Variants in AGBL4 observed in about 807,000 individuals in gnomAD.
The protein encoded by AGBL4 is AGBL carboxypeptidase 4, also known as cytosolic carboxypeptidase 6.
In AGBL4, 58 loss-of-function variants were observed where a neutral mutation model predicts 66.4. The observed-to-expected ratio is 0.87, with a 90% CI of 0.71 to 1.09. AGBL4 has a LOEUF of 1.09. AGBL4 is among the 50% of genes least tolerant of loss of function. The pLI is 0.00. For missense variants in AGBL4, 579 were observed against 631.0 expected (o/e 0.92, Z 0.88); for synonymous variants, 234 against 222.9 (o/e 1.05, Z -0.44).
rs1370165803 is a variant in AGBL4, at chr1:49,530,281, A to AAAAAAAAAAAAAAAAAAAAAAT, written c.282+167031_282+167032insATTTTTTTTTTTTTTTTTTTTT. The stretch of plus-strand genomic sequence containing the variant: ...TTGTAAAAAAAAAAAAACAAAAAAA[A>AAAAAAAAAAAAAAAAAAAAAAT]ACTCTATGAGTTTTTTTTTATTATT... On this transcript the variant is annotated intron_variant, in intron 3 of 13. Transcript: ENST00000371839. 3.4e-5 allele frequency among the ~76,000 whole-genome samples: 5 copies of AAAAAAAAAAAAAAAAAAAAAAT among 148,102 alleles called. 1 individual carries two copies. Among genetic ancestry groups the AAAAAAAAAAAAAAAAAAAAAAT allele is most frequent in the Non-Finnish European group, 7.5e-5 (5 of 66,848 alleles).
At chr1:48,837,688 G>GCA (rs1170991829) in intron 6 of AGBL4, among the ~76,000 whole-genome samples, 20 of 80,688 alleles carry the variant, frequency 2.5e-4, no homozygotes, top group African/African-American at 8.3e-4. Context: ...ACACACACAC[G>GCA]CACACACACG....
At chr1:49,257,185 A>G (rs1652587971) in intron 3 of AGBL4, among the ~76,000 whole-genome samples, 1 of 152,212 alleles carries the variant, frequency 6.6e-6, no homozygotes, top group South Asian at 2.1e-4. Flanking sequence ...AAATAGAACC[A>G]CTGCTCTCTT....
intron 3 of AGBL4, among the ~76,000 whole-genome samples, chr1:49,603,927 T>TAC (rs1645014097): frequency 9.3e-6 from 1 of 107,642 alleles, no homozygotes; most frequent in Non-Finnish European, 1.8e-5. Context: ...TATTCCATGG[T>TAC]ATACACACAC....
At chr1:49,635,170 C>T (rs1291064107) in intron 3 of AGBL4, among the ~76,000 whole-genome samples, 2 of 152,148 alleles carry the variant, frequency 1.3e-5, no homozygotes, top group Admixed American at 6.6e-5. Context: ...ATTTTCCCTA[C>T]GTGGCATTTG....
intron 5 of AGBL4, among the ~76,000 whole-genome samples, chr1:49,013,259 C>A (rs989372997): frequency 2.0e-5 from 3 of 152,130 alleles, no homozygotes; most frequent in African/African-American, 7.2e-5. Flanking sequence ...CTGTGGTATC[C>A]TGGGGGTGTC....
chr1:49,021,297 A>G (rs1663227143), intron 5 of AGBL4, among the ~76,000 whole-genome samples: 1 of 152,192 alleles, frequency 6.6e-6, no homozygotes, highest in Admixed American at 6.5e-5. Context: ...TAAAGAGGAA[A>G]TGATCACATG....
At chr1:49,700,301 AG>A (rs1647064489) in intron 2 of AGBL4, among the ~76,000 whole-genome samples, 2 of 17,230 alleles carry the variant, frequency 1.2e-4, no homozygotes, top group African/African-American at 7.2e-4. Context: ...AACATTAAAT[AG>A]ATAGATAGAT....
At chr1:49,985,796 C>T (rs1659455286) in intron 1 of AGBL4, among the ~76,000 whole-genome samples, 1 of 151,974 alleles carries the variant, frequency 6.6e-6, no homozygotes, top group South Asian at 2.1e-4. Flanking sequence ...GCAATTATAC[C>T]ATATTTTACA....
At chr1:49,247,499 C>T (rs960574749) in intron 3 of AGBL4, among the ~76,000 whole-genome samples, 2 of 152,070 alleles carry the variant, frequency 1.3e-5, no homozygotes, top group Non-Finnish European at 2.9e-5. Flanking sequence ...AATTACTTCT[C>T]TCAGGGTCTT....
chr1:49,801,601 TA>T (rs200379761), intron 2 of AGBL4, among the ~76,000 whole-genome samples: 1 of 151,430 alleles, frequency 6.6e-6, no homozygotes, highest in Non-Finnish European at 1.5e-5. Flanking sequence ...ATCTCAAATA[TA>T]AAAAAAAAGT....
At chr1:49,832,954 T>G (rs1478712005) in intron 2 of AGBL4, among the ~76,000 whole-genome samples, 1 of 152,094 alleles carries the variant, frequency 6.6e-6, no homozygotes, top group Non-Finnish European at 1.5e-5. Context: ...GCCTGTTCAC[T>G]CTGATGGTAG....
intron 3 of AGBL4, among the ~76,000 whole-genome samples, chr1:49,533,425 T>C (rs1041811558): frequency 2.0e-5 from 3 of 152,068 alleles, no homozygotes; most frequent in Non-Finnish European, 4.4e-5. Context: ...TTTCCAGGGG[T>C]CCTCAATCTG....
intron 12 of AGBL4, among the ~76,000 whole-genome samples, chr1:48,537,117 G>A (rs1221489667): frequency 6.6e-6 from 1 of 152,124 alleles, no homozygotes; most frequent in Non-Finnish European, 1.5e-5. Flanking sequence ...ATGCTTGGGT[G>A]GAAAATAATA....
intron 3 of AGBL4, among the ~76,000 whole-genome samples, chr1:49,663,650 T>C (rs1646310521): frequency 6.6e-6 from 1 of 152,066 alleles, no homozygotes; most frequent in Non-Finnish European, 1.5e-5. Context: ...TTAACACATG[T>C]GGCCTCTGCA....
intron 3 of AGBL4, among the ~76,000 whole-genome samples, chr1:49,435,277 A>AATGC (rs1222425297): frequency 1.3e-5 from 2 of 152,172 alleles, no homozygotes; most frequent in African/African-American, 2.4e-5. Context: ...TTATTGAATA[A>AATGC]ATGCATGCAT....
chr1:48,837,703 C>CTATAT (rs1382300748), intron 6 of AGBL4, among the ~76,000 whole-genome samples: 287 of 97,806 alleles, frequency 2.9e-3, no homozygotes, highest in Non-Finnish European at 4.8e-3. Flanking sequence ...CACACGCACA[C>CTATAT]ACACACACTA....
At chr1:49,081,638 G>C (rs1193193591) in intron 4 of AGBL4, among the ~76,000 whole-genome samples, 3 of 152,142 alleles carry the variant, frequency 2.0e-5, no homozygotes, top group Non-Finnish European at 2.9e-5. Context: ...GAAGTCCTCT[G>C]CTTCTTCCCC....
chr1:49,717,912 ATGCGAATATATCAG>A (rs1352013254), intron 2 of AGBL4, among the ~76,000 whole-genome samples: 1 of 152,080 alleles, frequency 6.6e-6, no homozygotes, highest in East Asian at 1.9e-4. Context: ...CAGAATACAA[ATGCGAATATATCAG>A]TCCTTGCTAT....
intron 3 of AGBL4, among the ~76,000 whole-genome samples, chr1:49,283,852 A>G (rs1473782603): frequency 2.0e-5 from 3 of 147,290 alleles, no homozygotes; most frequent in African/African-American, 5.1e-5. Flanking sequence ...AAAGCCTCCA[A>G]GAAATATGGG....
Sources: allele counts gnomAD v4.1 joint callset (sites outside exome capture counted in the v4.1 genomes callset), GRCh38; gene constraint gnomAD v4.1.1; transcripts MANE v1.5; gene names NCBI Gene and HGNC (gene_info 2026-07-23, HGNC 2026-07-21).